Variants in ZSWIM6 observed in about 807,000 individuals in gnomAD.
ZSWIM6 encodes zinc finger SWIM-type containing 6.
A neutral mutation model predicts 113.2 loss-of-function variants in ZSWIM6; 9 were observed. The ratio of observed to expected loss-of-function variants is 0.08; its 90% confidence interval spans 0.05 to 0.14. ZSWIM6 has a LOEUF of 0.14. ZSWIM6 is among the 10% of genes least tolerant of loss of function. The pLI, the probability that ZSWIM6 is intolerant of heterozygous loss-of-function variation, is 1.00. For synonymous variants in ZSWIM6, 611 were observed against 606.5 expected, an observed-to-expected ratio of 1.01 and a Z score of -0.11; for missense variants, 1,162 against 1,552.2, an observed-to-expected ratio of 0.75 and a Z score of 4.22.
intron 1 of ZSWIM6, chr5:61,375,881 A>T: frequency 2.1e-6 from 2 of 962,810 alleles, no homozygotes; most frequent in Non-Finnish European, 1.6e-6. Flanking sequence ...GGATTCCCTT[A>T]TAAAGAAAGT....
At chr5:61,420,028 A>G (rs1009028766) in intron 1 of ZSWIM6, among the ~76,000 whole-genome samples, 2 of 152,250 alleles carry the variant, frequency 1.3e-5, no homozygotes, top group African/African-American at 2.4e-5. Context: ...CACGAAGATC[A>G]TATCTCACAG....
At chr5:61,417,252 G>T (rs1746277045) in intron 1 of ZSWIM6, among the ~76,000 whole-genome samples, 1 of 152,194 alleles carries the variant, frequency 6.6e-6, no homozygotes, top group Non-Finnish European at 1.5e-5. Context: ...AGTTCACAAA[G>T]GAGTTCACTG....
chr5:61,422,571 G>A (rs1746375676), intron 1 of ZSWIM6, among the ~76,000 whole-genome samples: 2 of 152,116 alleles, frequency 1.3e-5, no homozygotes, highest in South Asian at 4.1e-4. Context: ...TCCATACAAA[G>A]TTTAGGATTT....
intron 1 of ZSWIM6, among the ~76,000 whole-genome samples, chr5:61,446,796 A>G (rs1270209357): frequency 6.6e-6 from 1 of 152,200 alleles, no homozygotes; most frequent in Non-Finnish European, 1.5e-5. Context: ...TAGACAAAAC[A>G]TAATAACATA....
chr5:61,542,045 A>G (rs976818208), intron 13 of ZSWIM6, 80 bp downstream of exon 13: 37 of 1,297,108 alleles, frequency 2.9e-5, no homozygotes, highest in Middle Eastern at 1.8e-4. Flanking sequence ...ATGTGAACAT[A>G]TTCACTCTTT....
At chr5:61,426,231 T>C (rs1476812093) in intron 1 of ZSWIM6, among the ~76,000 whole-genome samples, 1 of 152,234 alleles carries the variant, frequency 6.6e-6, no homozygotes, top group Non-Finnish European at 1.5e-5. Context: ...TCAAATTAAA[T>C]GGCAGAATAC....
At chr5:61,333,276 G>A (rs536839256) in intron 1 of ZSWIM6, among the ~76,000 whole-genome samples, 387 of 152,018 alleles carry the variant, frequency 2.5e-3, no homozygotes, top group Middle Eastern at 0.01. Flanking sequence ...CGGTTTCGGG[G>A]GTGGATGTGG....
At chr5:61,417,142 G>A (rs374495808) in intron 1 of ZSWIM6, among the ~76,000 whole-genome samples, 15 of 151,136 alleles carry the variant, frequency 9.9e-5, no homozygotes, top group African/African-American at 2.9e-4. Flanking sequence ...ACTCCGTCTC[G>A]AAGAAAAAAA....
chr5:61,388,738 T>A (rs1002552438), intron 1 of ZSWIM6, among the ~76,000 whole-genome samples: 6 of 152,358 alleles, frequency 3.9e-5, no homozygotes, highest in Middle Eastern at 3.4e-3. Flanking sequence ...CTTTGCTGTG[T>A]AGTGACTGAG....
In ZSWIM6 at chr5:61,352,627, A is replaced by G. The variant is rs568011599; in HGVS notation, c.676+19679A>G. Among the ~76,000 whole-genome samples the G allele has an allele frequency of 7.2e-5, 11 of 152,392 alleles. No individual in the cohort carries two copies. In the East Asian group the frequency reaches 1.9e-3, roughly 27 times the overall value. ...GGCCACTCCCAGATTTTCCAAAGGT[A>G]CACTTGCATTCACCTTTATGGTTAG... On this transcript the variant is annotated intron_variant, in intron 1 of 13. Transcript: ENST00000252744.
rs944938363 is a variant in ZSWIM6 at position 61,375,523 on chromosome 5, C to T, written c.676+42575C>T. ...AAAACAGAGAAAGAAAAAGAAGAAC[C>T]GTTCACATAAATCTTCTGAAAGCTC... On this transcript the variant is annotated intron_variant, in intron 1 of 13. Transcript: ENST00000252744. The T allele has an allele frequency of 9.0e-6, 14 of 1,552,234 alleles. No individual in the cohort carries two copies. The African/African-American group carries it at 1.5e-4, about 17-fold the overall frequency.
intron 1 of ZSWIM6, among the ~76,000 whole-genome samples, chr5:61,401,946 A>T (rs1287138094): frequency 2.0e-5 from 3 of 152,026 alleles, no homozygotes; most frequent in African/African-American, 7.2e-5. Context: ...CCCTCCTGCC[A>T]AGTACTTGCA....
chr5:61,475,086 T>C (rs1326367132), intron 2 of ZSWIM6, among the ~76,000 whole-genome samples: 8 of 152,190 alleles, frequency 5.3e-5, no homozygotes, highest in Admixed American at 5.2e-4. Flanking sequence ...CGTGTGAAAA[T>C]TCGGGCAGCT....
chr5:61,427,102 T>A (rs1215414595), intron 1 of ZSWIM6, among the ~76,000 whole-genome samples: 1 of 152,240 alleles, frequency 6.6e-6, no homozygotes, highest in Non-Finnish European at 1.5e-5. Flanking sequence ...CATCTATTGA[T>A]GGTTCATGAC....
At chr5:61,444,432 G>A (rs1311647806) in intron 1 of ZSWIM6, among the ~76,000 whole-genome samples, 1 of 152,084 alleles carries the variant, frequency 6.6e-6, no homozygotes, top group Non-Finnish European at 1.5e-5. Flanking sequence ...CTTTATAGAA[G>A]CATGATTTAT....
intron 1 of ZSWIM6, among the ~76,000 whole-genome samples, chr5:61,358,921 C>G (rs888655024): frequency 2.0e-5 from 3 of 152,156 alleles, no homozygotes; most frequent in Admixed American, 2.0e-4. Flanking sequence ...TTGGACACTA[C>G]TGGCTTTGGC....
chr5:61,399,094 T>C lies in ZSWIM6; in HGVS notation c.676+66146T>C, dbSNP rs559757626. The stretch of plus-strand genomic sequence containing the variant: ...CATGCCACCATGCCAGGCTAATTCT[T>C]GTATTTTTTTAGTAGAGACGGGGTT... On this transcript the variant is annotated intron_variant, in intron 1 of 13. Transcript: ENST00000252744. Among the ~76,000 whole-genome samples the C allele has an allele frequency of 4.6e-5, 7 of 151,744 alleles. No individual in the cohort carries two copies. The East Asian group carries it at 1.2e-3, about 25-fold the overall frequency.
chr5:61,353,784 AC>A (rs1744839540), intron 1 of ZSWIM6, among the ~76,000 whole-genome samples: 1 of 29,028 alleles, frequency 3.4e-5, no homozygotes, highest in South Asian at 1.9e-3. Context: ...TGAAACAATT[AC>A]CATTTTCTCG....
intron 1 of ZSWIM6, among the ~76,000 whole-genome samples, chr5:61,384,463 A>C (rs751088358): frequency 3.3e-5 from 5 of 152,166 alleles, no homozygotes; most frequent in Admixed American, 6.5e-5. Context: ...GGAAGAAAGA[A>C]AGTTTCACAA....
Sources: gnomAD v4.1 joint callset for allele counts (sites outside exome capture counted in the v4.1 genomes callset) on GRCh38, gnomAD v4.1.1 for gene constraint, MANE v1.5 for transcripts, NCBI Gene and HGNC (gene_info 2026-07-23, HGNC 2026-07-21) for gene names.